Variants in LPP observed in about 807,000 individuals in gnomAD.
The protein encoded by LPP is lipoma-preferred partner.
A neutral mutation model predicts 60.4 loss-of-function variants in LPP; 38 were observed. The ratio of observed to expected loss-of-function variants is 0.63; its 90% CI spans 0.49 to 0.83. The LOEUF is 0.83. Among genes scored for constraint, LPP ranks in the 40% least tolerant of loss-of-function variants. LPP has a pLI of 0.00. For synonymous variants in LPP, 328 were observed against 290.8 expected (o/e 1.13, Z -1.30); for missense variants, 902 against 783.6 (o/e 1.15, Z -1.80).
intron 7 of LPP, among the ~76,000 whole-genome samples, chr3:188,683,515 A>C (rs1366205263): frequency 1.3e-5 from 2 of 152,186 alleles, no homozygotes; most frequent in Non-Finnish European, 2.9e-5. Context: ...ATATTTAGTC[A>C]AAAGCCTGCC....
At chr3:188,773,043 G>C (rs149264357) in intron 9 of LPP, among the ~76,000 whole-genome samples, 3 of 152,082 alleles carry the variant, frequency 2.0e-5, no homozygotes, top group African/African-American at 7.2e-5. Context: ...GCTTCCAGCC[G>C]TAGAATGATC....
intron 4 of LPP, among the ~76,000 whole-genome samples, chr3:188,467,980 C>A (rs1194137548): frequency 6.6e-6 from 1 of 152,164 alleles, no homozygotes; most frequent in African/African-American, 2.4e-5. Context: ...AAAACGAATA[C>A]ACACAATATC....
chr3:188,539,517 A>G (rs1477940041), intron 6 of LPP, among the ~76,000 whole-genome samples: 5 of 152,176 alleles, frequency 3.3e-5, no homozygotes, highest in Non-Finnish European at 7.3e-5. Context: ...TATTTTTCTA[A>G]AAGTAATGGC....
chr3:188,264,830 T>C (rs548783706), intron 2 of LPP, among the ~76,000 whole-genome samples: 1 of 152,198 alleles, frequency 6.6e-6, no homozygotes, highest in Non-Finnish European at 1.5e-5. Flanking sequence ...CTTTTTTTTC[T>C]TTTTATAACA....
intron 2 of LPP, among the ~76,000 whole-genome samples, chr3:188,291,140 G>A (rs866797631): frequency 2.0e-5 from 3 of 152,096 alleles, no homozygotes; most frequent in Non-Finnish European, 4.4e-5. Context: ...ACTCTAAGAC[G>A]AACAATTCTT....
At chr3:188,512,984 C>T (rs1207557987) in intron 5 of LPP, among the ~76,000 whole-genome samples, 1 of 152,226 alleles carries the variant, frequency 6.6e-6, no homozygotes, top group Non-Finnish European at 1.5e-5. Context: ...TGTTGCACAT[C>T]TCCAGCCCCC....
In LPP at chr3:188,182,621, A is replaced by G. The variant is rs1414540216; in HGVS notation, c.-190+28369A>G. On this transcript the variant is annotated intron_variant, in intron 1 of 11. Transcript: ENST00000617246. This position sits in a 1 kb window ranked among gnomAD's most constrained non-coding sequence, Gnocchi z 4.4. ...AAGTCCTGTGCCCAGCTCTTTACACACATTCTTCCAAGGGTGAGACATGAT... is the reference window on the plus strand; with the variant it reads ...AAGTCCTGTGCCCAGCTCTTTACACGCATTCTTCCAAGGGTGAGACATGAT... Among the ~76,000 whole-genome samples the G allele has an allele frequency of 2.0e-5, 3 of 152,058 alleles. No homozygotes were observed. Among genetic ancestry groups the G allele is most frequent in the Admixed American group, 6.6e-5 (1 of 15,262 alleles).
chr3:188,399,542 A>G (rs771493715), intron 3 of LPP, among the ~76,000 whole-genome samples: 9 of 152,202 alleles, frequency 5.9e-5, no homozygotes, highest in Non-Finnish European at 1.2e-4. Context: ...CCCTTTTCTA[A>G]TATCATTCAT....
Position 188,819,685 on chromosome 3 carries a change from A to G in LPP, c.1411-46515A>G, listed in dbSNP as rs116795453. Among the ~76,000 whole-genome samples, 438 of 152,198 alleles carry G rather than the reference A, an allele frequency of 2.9e-3. 2 individuals carry two copies. Among genetic ancestry groups the G allele is most frequent in the African/African-American group, 9.9e-3 (412 of 41,538 alleles). ...GTGGGAATGAGGAAAAAGAAAGGTG[A>G]GCTTCAGCCAGGGATTGGAGGTGGA... On this transcript the variant is annotated intron_variant, in intron 9 of 11. Transcript: ENST00000617246.
chr3:188,757,911 A>G (rs1332388631), intron 8 of LPP, among the ~76,000 whole-genome samples: 3 of 32,856 alleles, frequency 9.1e-5, no homozygotes, highest in Non-Finnish European at 1.3e-4. Flanking sequence ...TTTTTTTTTC[A>G]GAATAATTTC....
rs1464432415 is a variant in LPP, at chr3:188,878,052, G to A, written c.*3573G>A. The A allele has an allele frequency of 9.1e-6, 2 of 219,584 alleles. No individual in the cohort carries two copies. Among genetic ancestry groups the A allele is most frequent in the African/African-American group, 4.5e-5 (2 of 44,612 alleles). The allele number at this position is 219,584 out of a possible 1,614,324, so 13.6% of individuals were successfully genotyped here. A position where few individuals can be genotyped will look rare whatever the true frequency, so the allele number is the denominator to read the frequency against. ...AAGTATTTTATATTTGGGTACAGAG[G>A]AAGAAAGAGAGGGCTTTTTCCATGG... On this transcript the variant is annotated 3_prime_UTR_variant, in exon 12 of 12. Coordinates refer to ENST00000617246, the MANE Select transcript of LPP (RefSeq NM_001375462.1).
At chr3:188,742,889 G>A (rs1415404042) in intron 8 of LPP, among the ~76,000 whole-genome samples, 1 of 152,162 alleles carries the variant, frequency 6.6e-6, no homozygotes, top group African/African-American at 2.4e-5. Context: ...TTGAAATTCG[G>A]CCAAGGCATA....
intron 9 of LPP, among the ~76,000 whole-genome samples, chr3:188,773,004 A>G (rs1388338551): frequency 7.9e-5 from 12 of 152,148 alleles, no homozygotes; most frequent in Non-Finnish European, 1.6e-4. Context: ...GATTGAAGGG[A>G]AAGATGTGAG....
chr3:188,361,468 C>T (rs1214612181), intron 3 of LPP, among the ~76,000 whole-genome samples: 3 of 124,178 alleles, frequency 2.4e-5, no homozygotes, highest in African/African-American at 8.8e-5. Context: ...TCCCTTCCTT[C>T]CTTCCCTCTC....
At chr3:188,470,367 A>G (rs893103010) in intron 4 of LPP, among the ~76,000 whole-genome samples, 4 of 151,680 alleles carry the variant, frequency 2.6e-5, no homozygotes, top group African/African-American at 7.3e-5. Flanking sequence ...GTAGTCACTC[A>G]GTTTCTCAAT....
chr3:188,644,766 T>G (rs1850799185), intron 7 of LPP, among the ~76,000 whole-genome samples: 1 of 152,150 alleles, frequency 6.6e-6, no homozygotes, highest in African/African-American at 2.4e-5. Flanking sequence ...CTACATAGAT[T>G]TATTAACTCA....
intron 9 of LPP, among the ~76,000 whole-genome samples, chr3:188,805,151 G>GT (rs1384337097): frequency 6.6e-6 from 1 of 151,916 alleles, no homozygotes; most frequent in Admixed American, 6.6e-5. Flanking sequence ...CTAAACTGTG[G>GT]TTTTCTTTTT....
At chr3:188,634,205 T>C (rs1198511513) in intron 7 of LPP, among the ~76,000 whole-genome samples, 1 of 152,254 alleles carries the variant, frequency 6.6e-6, no homozygotes, top group Non-Finnish European at 1.5e-5. Context: ...ATATTTTCTT[T>C]GCCAAATTAA....
intron 9 of LPP, among the ~76,000 whole-genome samples, chr3:188,769,912 C>T (rs988023298): frequency 4.6e-5 from 7 of 152,172 alleles, no homozygotes; most frequent in Non-Finnish European, 8.8e-5. Context: ...AAACTTTATT[C>T]TAGAACCTTC....
Sources: allele counts gnomAD v4.1 joint callset (sites outside exome capture counted in the v4.1 genomes callset), GRCh38; gene constraint gnomAD v4.1.1; non-coding constraint Gnocchi (gnomAD v3.1); transcripts MANE v1.5; gene names NCBI Gene and HGNC (gene_info 2026-07-23, HGNC 2026-07-21).